PRKN: variants seen among roughly 807,000 people sequenced by gnomAD.
The protein encoded by PRKN is parkin RBR E3 ubiquitin protein ligase.
A neutral mutation model predicts 59.5 loss-of-function variants in PRKN; 56 were observed. The observed-to-expected ratio is 0.94, with a 90% CI of 0.76 to 1.18. The LOEUF (loss-of-function observed/expected upper bound fraction) is 1.18, where lower values mean the gene tolerates loss of function less well. PRKN is among the 50% of genes most tolerant of loss of function. The pLI, the probability that PRKN is intolerant of heterozygous loss-of-function variation, is 0.00. For missense variants in PRKN, 657 were observed against 596.4 expected (o/e 1.10, Z -1.06); for synonymous variants, 250 against 222.1 (o/e 1.13, Z -1.12).
intron 2 of PRKN, among the ~76,000 whole-genome samples, chr6:162,341,285 A>G (rs1784166607): frequency 3.3e-5 from 5 of 152,188 alleles, no homozygotes; most frequent in Admixed American, 3.3e-4. Context: ...GTGGAGAAAT[A>G]GAAACACTTT....
chr6:162,665,049 A>G (rs1322746361), intron 1 of PRKN, among the ~76,000 whole-genome samples: 2 of 152,278 alleles, frequency 1.3e-5, no homozygotes, highest in Middle Eastern at 6.8e-3. Context: ...AATAAGAGCT[A>G]TTTATGACAA....
At chr6:161,992,927 A>G (rs1781704731) in intron 5 of PRKN, among the ~76,000 whole-genome samples, 1 of 152,160 alleles carries the variant, frequency 6.6e-6, no homozygotes, top group Non-Finnish European at 1.5e-5. Flanking sequence ...GAAATGTAAT[A>G]TATTAAAACC....
chr6:162,524,919 C>T (rs1778220067), intron 1 of PRKN, among the ~76,000 whole-genome samples: 1 of 152,110 alleles, frequency 6.6e-6, no homozygotes, highest in Non-Finnish European at 1.5e-5. Context: ...TGTATACTGG[C>T]CCCATGTACA....
chr6:162,668,580 A>C (rs1238734309), intron 1 of PRKN, among the ~76,000 whole-genome samples: 1 of 152,156 alleles, frequency 6.6e-6, no homozygotes, highest in Non-Finnish European at 1.5e-5. Flanking sequence ...GAGCACCATA[A>C]GTGGCTGTGT....
At chr6:161,994,924 GA>G (rs111850664) in intron 5 of PRKN, among the ~76,000 whole-genome samples, 27,845 of 137,876 alleles carry the variant, frequency 0.2, 2,883 homozygotes, top group Middle Eastern at 0.28. Flanking sequence ...CATAGAAATA[GA>G]AAAAAAAAAA....
intron 2 of PRKN, among the ~76,000 whole-genome samples, chr6:162,345,030 C>A (rs1784338866): frequency 6.6e-6 from 1 of 152,182 alleles, no homozygotes; most frequent in African/African-American, 2.4e-5. Flanking sequence ...CCACAAACAA[C>A]CAAGGAAGCT....
intron 2 of PRKN, among the ~76,000 whole-genome samples, chr6:162,312,422 C>T (rs1329182562): frequency 6.6e-6 from 1 of 152,156 alleles, no homozygotes; most frequent in African/African-American, 2.4e-5. Flanking sequence ...GGTTCTGTTG[C>T]CCCATCTGAC....
At chr6:161,665,995 G>A (rs1337876230) in intron 7 of PRKN, among the ~76,000 whole-genome samples, 2 of 152,182 alleles carry the variant, frequency 1.3e-5, no homozygotes, top group South Asian at 2.1e-4. Context: ...TGGGGGCAGC[G>A]TGTGGAGCTG....
chr6:161,827,413 T>G (rs1302837676), intron 6 of PRKN, among the ~76,000 whole-genome samples: 1 of 152,192 alleles, frequency 6.6e-6, no homozygotes, highest in African/African-American at 2.4e-5. Context: ...AGAGGATACA[T>G]GTATCTATAT....
chr6:161,509,608 G>T (rs147119523), intron 9 of PRKN, among the ~76,000 whole-genome samples: 1 of 140,162 alleles, frequency 7.1e-6, no homozygotes, highest in Non-Finnish European at 1.6e-5. Context: ...GGCTGGGCAC[G>T]GTGGCTTACA....
chr6:162,529,286 C>T (rs1778411094), intron 1 of PRKN, among the ~76,000 whole-genome samples: 1 of 152,080 alleles, frequency 6.6e-6, no homozygotes, highest in Middle Eastern at 3.2e-3. Context: ...TCAATAGTTA[C>T]AATTATTCAT....
At chr6:161,925,095 G>A (rs1778917925) in intron 6 of PRKN, among the ~76,000 whole-genome samples, 1 of 152,068 alleles carries the variant, frequency 6.6e-6, no homozygotes, top group Non-Finnish European at 1.5e-5. Flanking sequence ...TGACTAAAGT[G>A]AAAATGCTTT....
chr6:162,549,046 C>G (rs1779230877), intron 1 of PRKN, among the ~76,000 whole-genome samples: 1 of 151,936 alleles, frequency 6.6e-6, no homozygotes, highest in South Asian at 2.1e-4. Flanking sequence ...GAAATCCTGC[C>G]CCCCCAAGAT....
At chr6:162,704,258 G>A (rs1039903539) in intron 1 of PRKN, among the ~76,000 whole-genome samples, 3 of 152,048 alleles carry the variant, frequency 2.0e-5, no homozygotes, top group African/African-American at 7.2e-5. Flanking sequence ...GTGCAGCCTG[G>A]GAGTGTGGCA....
intron 9 of PRKN, among the ~76,000 whole-genome samples, chr6:161,505,917 T>C (rs1056241236): frequency 7.9e-5 from 12 of 151,500 alleles, no homozygotes; most frequent in Admixed American, 3.9e-4. Context: ...CATGCTGTTT[T>C]GGTTACTGTA....
chr6:161,752,947 G>A (rs1300693477), intron 7 of PRKN, among the ~76,000 whole-genome samples: 1 of 152,160 alleles, frequency 6.6e-6, no homozygotes, highest in Non-Finnish European at 1.5e-5. Context: ...AATGGCATCA[G>A]TATGGGCAGT....
At chr6:161,589,225 C>T (rs899900087) in intron 7 of PRKN, among the ~76,000 whole-genome samples, 17 of 152,206 alleles carry the variant, frequency 1.1e-4, no homozygotes, top group Admixed American at 2.0e-4. Context: ...AGAGACGCCC[C>T]GCTGCTGAGA....
Position 161,428,407 on chromosome 6 carries a change from G to A in PRKN, c.1084-41530C>T, listed in dbSNP as rs770045357. The stretch of plus-strand genomic sequence containing the variant: ...GAGTGCAGACAGAAGCCTGCCATCC[G>A]CCGGAGTCTGTGAGCTTCAGGGTCC... On this transcript the variant is annotated intron_variant, in intron 9 of 11. Coordinates refer to ENST00000366898, the MANE Select transcript of PRKN (RefSeq NM_004562.3). The surrounding 1 kb of genome is among the most constrained non-coding windows in gnomAD (Gnocchi z 4.0). 7.2e-5 allele frequency among the ~76,000 whole-genome samples: 11 copies of A among 152,218 alleles called. No homozygotes were observed. The highest frequency in any genetic ancestry group is 5.8e-4 in the East Asian group (3 of 5,166).
At chr6:162,027,989 A>C (rs1783500275) in intron 5 of PRKN, among the ~76,000 whole-genome samples, 1 of 151,996 alleles carries the variant, frequency 6.6e-6, no homozygotes, top group Admixed American at 6.6e-5. Context: ...CCAGGATAAA[A>C]AAAAATCACA....
Sources: allele counts gnomAD v4.1 joint callset (sites outside exome capture counted in the v4.1 genomes callset), GRCh38; gene constraint gnomAD v4.1.1; non-coding constraint Gnocchi (gnomAD v3.1); transcripts MANE v1.5; gene names NCBI Gene and HGNC (gene_info 2026-07-23, HGNC 2026-07-21).